The following NRG3 variants were observed in gnomAD, a reference collection of about 807,000 sequenced individuals.
NRG3 encodes the protein pro-neuregulin-3, membrane-bound isoform.
A neutral mutation model predicts 66.9 loss-of-function variants in NRG3; 31 were observed. That is an observed-to-expected ratio of 0.46 (90% CI 0.35 to 0.63). The LOEUF is 0.63. Among genes scored for constraint, NRG3 ranks in the 20% least tolerant of loss-of-function variants. The probability of loss-of-function intolerance (pLI) is 0.00; values close to 1 mark genes in which losing one functional copy is unlikely to be tolerated. For missense variants in NRG3, 910 were observed against 878.9 expected (o/e 1.04, Z -0.45); for synonymous variants, 393 against 359.4 (o/e 1.09, Z -1.06).
intron 2 of NRG3, among the ~76,000 whole-genome samples, chr10:82,705,781 GT>G (rs1234461372): frequency 6.6e-6 from 1 of 152,130 alleles, no homozygotes; most frequent in Non-Finnish European, 1.5e-5. Context: ...ATGTTAAAGT[GT>G]TTTTTATTTT....
chr10:82,428,016 T>C (rs1037814753), intron 2 of NRG3, among the ~76,000 whole-genome samples: 2 of 152,016 alleles, frequency 1.3e-5, no homozygotes, highest in Admixed American at 1.3e-4. Context: ...GCATTCCTTA[T>C]TCTTCTTATT....
intron 1 of NRG3, among the ~76,000 whole-genome samples, chr10:82,020,620 A>G (rs889570129): frequency 6.6e-6 from 1 of 152,136 alleles, no homozygotes; most frequent in South Asian, 2.1e-4. Context: ...GTTAAGAATC[A>G]TGGTTTTCAA....
At chr10:82,902,094 A>G (rs1349450792) in intron 4 of NRG3, among the ~76,000 whole-genome samples, 1 of 152,166 alleles carries the variant, frequency 6.6e-6, no homozygotes, top group Non-Finnish European at 1.5e-5. Flanking sequence ...CTATTATTGC[A>G]TATATTTCAT....
At chr10:81,895,330 T>G (rs770620660) in intron 1 of NRG3, among the ~76,000 whole-genome samples, 1 of 152,142 alleles carries the variant, frequency 6.6e-6, no homozygotes, top group Non-Finnish European at 1.5e-5. Context: ...AAATGTTATA[T>G]CATAGATAGA....
chr10:82,746,776 A>G (rs2058663774), intron 3 of NRG3, among the ~76,000 whole-genome samples: 1 of 150,608 alleles, frequency 6.6e-6, no homozygotes, highest in Non-Finnish European at 1.5e-5. Flanking sequence ...TACACAATAT[A>G]CTCATTTGCC....
At chr10:81,890,516 A>G (rs1164891113) in intron 1 of NRG3, among the ~76,000 whole-genome samples, 3 of 152,206 alleles carry the variant, frequency 2.0e-5, no homozygotes, top group African/African-American at 4.8e-5. Context: ...AACCTTTGCC[A>G]TGATGTTTGC....
chr10:82,373,840 G>A lies in NRG3; in HGVS notation c.953+14972G>A, dbSNP rs537027982. 3.3e-5 allele frequency among the ~76,000 whole-genome samples: 5 copies of A among 152,254 alleles called. No homozygotes were observed. The South Asian group carries it at 6.2e-4, about 19-fold the overall frequency. On this transcript the variant is annotated intron_variant, in intron 2 of 8. Coordinates refer to ENST00000372141, the MANE Select transcript of NRG3 (RefSeq NM_001010848.4). ...AGCTCTTTCCTTTCTGCCTGGGTTA[G>A]CATATGTGAAAGAAATAGTGATTAT...
Position 82,170,331 on chromosome 10 carries a change from G to A in NRG3, c.824-188408G>A, listed in dbSNP as rs1056853873. Among the ~76,000 whole-genome samples, 3 of 152,126 alleles carry A rather than the reference G, an allele frequency of 2.0e-5. 1 individual carries two copies. Among genetic ancestry groups the A allele is most frequent in the African/African-American group, 4.8e-5 (2 of 41,540 alleles). The stretch of plus-strand genomic sequence containing the variant: ...TCCAAAAGACAGAGAGAGCAAGCAT[G>A]TGGCCGGGTCTTCAGATTAGTAGTT... On this transcript the variant is annotated intron_variant, in intron 1 of 8. Transcript: ENST00000372141.
chr10:82,095,104 G>A (rs2066256599), intron 1 of NRG3, among the ~76,000 whole-genome samples: 1 of 152,030 alleles, frequency 6.6e-6, no homozygotes, highest in Admixed American at 6.5e-5. Context: ...ACATCCTACT[G>A]TGTGAAATTT....
intron 2 of NRG3, among the ~76,000 whole-genome samples, chr10:82,643,418 A>T (rs79388828): frequency 0.1 from 15,413 of 152,136 alleles, 865 homozygotes; most frequent in East Asian, 0.23. Flanking sequence ...CTCCCCAGCC[A>T]TATGGAACTG....
intron 1 of NRG3, among the ~76,000 whole-genome samples, chr10:81,939,938 T>C (rs963854755): frequency 6.6e-6 from 1 of 152,044 alleles, no homozygotes; most frequent in Non-Finnish European, 1.5e-5. Context: ...TTAATGCCTT[T>C]GCTATATCCC....
intron 1 of NRG3, among the ~76,000 whole-genome samples, chr10:82,113,436 T>C (rs2067508806): frequency 6.6e-6 from 1 of 152,162 alleles, no homozygotes; most frequent in African/African-American, 2.4e-5. Flanking sequence ...TCAGAGATGG[T>C]GTTCAGCAAT....
chr10:82,366,104 C>T (rs1420670706), intron 2 of NRG3, among the ~76,000 whole-genome samples: 1 of 152,202 alleles, frequency 6.6e-6, no homozygotes, highest in African/African-American at 2.4e-5. Flanking sequence ...TTTCTACTAA[C>T]TCTGATTTTT....
chr10:82,925,877 T>A (rs907088458), intron 4 of NRG3, among the ~76,000 whole-genome samples: 2 of 152,186 alleles, frequency 1.3e-5, no homozygotes, highest in African/African-American at 2.4e-5. Flanking sequence ...CACCCCCTTT[T>A]GCAGCCTGCC....
chr10:82,969,441 A>C (rs1851529204), intron 6 of NRG3, among the ~76,000 whole-genome samples: 1 of 152,284 alleles, frequency 6.6e-6, no homozygotes, highest in South Asian at 2.1e-4. Context: ...TATTTCCATT[A>C]TGTATTGGAT....
At chr10:82,166,644 A>G (rs2072080004) in intron 1 of NRG3, 1 of 375,408 alleles carries the variant, frequency 2.7e-6, no homozygotes, top group Non-Finnish European at 4.7e-6. Context: ...CTATATATAC[A>G]CACATATATA....
intron 3 of NRG3, among the ~76,000 whole-genome samples, chr10:82,786,786 C>A (rs1226796577): frequency 6.6e-6 from 1 of 152,178 alleles, no homozygotes; most frequent in Non-Finnish European, 1.5e-5. Context: ...GTGATTATGT[C>A]ATAAGGGCTC....
intron 2 of NRG3, among the ~76,000 whole-genome samples, chr10:82,709,931 C>A (rs2056555039): frequency 6.6e-6 from 1 of 152,104 alleles, no homozygotes; most frequent in African/African-American, 2.4e-5. Context: ...ATATTTTAAC[C>A]ATTGTAAATA....
intron 2 of NRG3, among the ~76,000 whole-genome samples, chr10:82,470,030 G>A (rs1245595744): frequency 6.6e-6 from 1 of 152,116 alleles, no homozygotes; most frequent in Non-Finnish European, 1.5e-5. Flanking sequence ...TGTAGAAGAG[G>A]GAAGTGCTGG....
Sources: gnomAD v4.1 joint callset for allele counts (sites outside exome capture counted in the v4.1 genomes callset) on GRCh38, gnomAD v4.1.1 for gene constraint, MANE v1.5 for transcripts, NCBI Gene and HGNC (gene_info 2026-07-23, HGNC 2026-07-21) for gene names.